NLGN1: variants seen among roughly 807,000 people sequenced by gnomAD.
NLGN1 encodes the protein neuroligin 1, also known as neuroligin-1.
In NLGN1, 12 loss-of-function variants were observed where a neutral mutation model predicts 65.5. The observed-to-expected ratio is 0.18, with a 90% CI of 0.12 to 0.30. The LOEUF (loss-of-function observed/expected upper bound fraction) is 0.30, where lower values mean the gene tolerates loss of function less well. NLGN1 is among the 10% of genes least tolerant of loss of function. The pLI, the probability that NLGN1 is intolerant of heterozygous loss-of-function variation, is 1.00. For synonymous variants in NLGN1, 350 were observed against 359.5 expected, an observed-to-expected ratio of 0.97 and a Z score of 0.30; for missense variants, 750 against 1,007.1, an observed-to-expected ratio of 0.74 and a Z score of 3.46.
intron 4 of NLGN1, among the ~76,000 whole-genome samples, chr3:174,252,649 T>G (rs1258731178): frequency 1.3e-5 from 2 of 152,184 alleles, no homozygotes; most frequent in Admixed American, 1.3e-4. Context: ...TGAAGGCTCT[T>G]CCAGCCCTAA....
chr3:173,679,610 A>G (rs1231648765), intron 3 of NLGN1, among the ~76,000 whole-genome samples: 1 of 152,150 alleles, frequency 6.6e-6, no homozygotes, highest in Non-Finnish European at 1.5e-5. Context: ...TGAATGTAAA[A>G]TGACCTGGAG....
chr3:174,076,140 T>C lies in NLGN1; in HGVS notation c.647-199175T>C, dbSNP rs76887672. On this transcript the variant is annotated intron_variant, in intron 4 of 6. Coordinates refer to ENST00000457714, the Ensembl canonical transcript of NLGN1. ...ACCAGTGGTTTTAAAGCAAGATGTTTTGTCATTTTAAAAATAATTTATTTT... is the reference window on the plus strand; with the variant it reads ...ACCAGTGGTTTTAAAGCAAGATGTTCTGTCATTTTAAAAATAATTTATTTT... 5.9e-3 allele frequency among the ~76,000 whole-genome samples: 898 copies of C among 152,280 alleles called. 7 individuals are homozygous for C. Among genetic ancestry groups the C allele is most frequent in the Middle Eastern group, 0.054 (16 of 294 alleles).
At chr3:173,578,714 A>G (rs75220128) in intron 2 of NLGN1, among the ~76,000 whole-genome samples, 1 of 152,218 alleles carries the variant, frequency 6.6e-6, no homozygotes, top group South Asian at 2.1e-4. Context: ...AACTCATTCT[A>G]TACTACATTG....
chr3:173,643,577 C>T (rs1757741901), intron 3 of NLGN1, among the ~76,000 whole-genome samples: 1 of 152,100 alleles, frequency 6.6e-6, no homozygotes, highest in African/African-American at 2.4e-5. Context: ...CAGTTTGTAC[C>T]ACATTTGTAC....
At chr3:174,268,680 A>T (rs944585603) in intron 4 of NLGN1, among the ~76,000 whole-genome samples, 1 of 152,206 alleles carries the variant, frequency 6.6e-6, no homozygotes, top group African/African-American at 2.4e-5. Flanking sequence ...AGATGGTGAA[A>T]GTTTGGAATT....
At chr3:174,208,725 A>G (rs930061573) in intron 4 of NLGN1, among the ~76,000 whole-genome samples, 1 of 152,034 alleles carries the variant, frequency 6.6e-6, no homozygotes, top group African/African-American at 2.4e-5. Context: ...AGGTAAACAC[A>G]ATGCCTAGAA....
At chr3:173,666,743 C>T (rs1761751930) in intron 3 of NLGN1, among the ~76,000 whole-genome samples, 13 of 152,100 alleles carry the variant, frequency 8.5e-5, no homozygotes, top group Admixed American at 8.5e-4. Flanking sequence ...TGCATGAATA[C>T]TAACTAAAAT....
intron 4 of NLGN1, among the ~76,000 whole-genome samples, chr3:174,088,511 C>T (rs7639124): frequency 0.049 from 7,494 of 152,068 alleles, 254 homozygotes; most frequent in South Asian, 0.093. Flanking sequence ...AATCCCAGCA[C>T]TTTGGGAGGC....
At chr3:173,955,290 C>T (rs933538653) in intron 4 of NLGN1, among the ~76,000 whole-genome samples, 11 of 152,080 alleles carry the variant, frequency 7.2e-5, no homozygotes, top group African/African-American at 2.7e-4. Context: ...TGATGCCGCT[C>T]ATAGAGCATT....
chr3:173,899,517 T>C (rs938177610), intron 4 of NLGN1, among the ~76,000 whole-genome samples: 23 of 152,278 alleles, frequency 1.5e-4, no homozygotes, highest in Admixed American at 1.4e-3. Context: ...AGGCCAAACC[T>C]GGCCTCCTAG....
At chr3:173,404,263 G>GA (rs1441329554) in intron 1 of NLGN1, among the ~76,000 whole-genome samples, 2 of 152,006 alleles carry the variant, frequency 1.3e-5, no homozygotes, top group Non-Finnish European at 2.9e-5. Context: ...CATAAACTAG[G>GA]AAAAGAATGG....
chr3:173,539,681 T>TGTATATATGTACATATATA (rs1560406456), intron 2 of NLGN1, among the ~76,000 whole-genome samples: 8 of 98,822 alleles, frequency 8.1e-5, no homozygotes, highest in Middle Eastern at 6.5e-3. Context: ...ATATATAACA[T>TGTATATATGTACATATATA]ACATATATGT....
At chr3:173,859,537 T>C (rs1309870596) in intron 4 of NLGN1, among the ~76,000 whole-genome samples, 2 of 152,142 alleles carry the variant, frequency 1.3e-5, no homozygotes, top group East Asian at 3.8e-4. Context: ...AAAATTATAC[T>C]GTTGTGTGAT....
chr3:174,041,469 A>G (rs1291416012), intron 4 of NLGN1, among the ~76,000 whole-genome samples: 1 of 152,178 alleles, frequency 6.6e-6, no homozygotes, highest in Non-Finnish European at 1.5e-5. Context: ...ATTTTTGTGA[A>G]TACATATTTT....
At chr3:173,648,667 T>G in intron 3 of NLGN1, among the ~76,000 whole-genome samples, 1 of 152,100 alleles carries the variant, frequency 6.6e-6, no homozygotes, top group Middle Eastern at 3.2e-3. Context: ...CTCTGCCTCC[T>G]GGATTCAAGC....
chr3:173,440,896 A>T (rs778405622), intron 2 of NLGN1, among the ~76,000 whole-genome samples: 1 of 152,160 alleles, frequency 6.6e-6, no homozygotes, highest in Admixed American at 6.6e-5. Context: ...TCTAGCTATG[A>T]AAGTCTTAGA....
chr3:173,517,993 G>A (rs1432780691), intron 2 of NLGN1, among the ~76,000 whole-genome samples: 1 of 152,070 alleles, frequency 6.6e-6, no homozygotes, highest in Non-Finnish European at 1.5e-5. Context: ...CCATCCTTTT[G>A]TACACATGAG....
At chr3:173,397,350 CTTGT>C (rs923152035), upstream of NLGN1, among the ~76,000 whole-genome samples, 18 of 152,250 alleles carry the variant, frequency 1.2e-4, no homozygotes, top group African/African-American at 4.3e-4. Flanking sequence ...TGGCCAGTCG[CTTGT>C]TTAACTCCCG....
chr3:173,654,485 A>G (rs1406737121), intron 3 of NLGN1, among the ~76,000 whole-genome samples: 2 of 152,176 alleles, frequency 1.3e-5, no homozygotes, highest in Non-Finnish European at 2.9e-5. Context: ...CTACCTATGC[A>G]TCAGGTCCCT....
Sources: gnomAD v4.1 joint callset for allele counts (sites outside exome capture counted in the v4.1 genomes callset) on GRCh38, gnomAD v4.1.1 for gene constraint, MANE v1.5 for transcripts, NCBI Gene and HGNC (gene_info 2026-07-23, HGNC 2026-07-21) for gene names.